The following PCSK2 variants were observed in gnomAD, a reference collection of about 807,000 sequenced individuals.
PCSK2 encodes proprotein convertase subtilisin/kexin type 2, also known as neuroendocrine convertase 2.
Under a neutral mutation model 69.7 loss-of-function variants are expected in PCSK2, and 14 were observed. That is an observed-to-expected ratio of 0.20 (90% confidence interval 0.13 to 0.31). The LOEUF (loss-of-function observed/expected upper bound fraction) is 0.31. PCSK2 is among the 10% of genes least tolerant of loss of function. PCSK2 has a pLI of 1.00. For synonymous variants in PCSK2, 307 were observed against 320.7 expected (o/e 0.96, Z 0.46); for missense variants, 544 against 842.5 (o/e 0.65, Z 4.39).
chr20:17,227,647 G>T (rs1296719188), intron 1 of PCSK2, among the ~76,000 whole-genome samples, 165 bp downstream of exon 1: 2 of 152,170 alleles, frequency 1.3e-5, no homozygotes, highest in African/African-American at 4.8e-5. Flanking sequence ...ATCTTTCACC[G>T]GTTATGTAAT....
chr20:17,425,051 C>G (rs2032216530), intron 6 of PCSK2, among the ~76,000 whole-genome samples: 1 of 152,084 alleles, frequency 6.6e-6, no homozygotes, highest in South Asian at 2.1e-4. Flanking sequence ...GCTGGGATTA[C>G]AGGAGTGAGC....
intron 2 of PCSK2, among the ~76,000 whole-genome samples, chr20:17,335,890 GTGTA>G (rs1248435727): frequency 8.8e-4 from 133 of 150,930 alleles, no homozygotes; most frequent in African/African-American, 3.2e-3. Flanking sequence ...GTGTGTGTGT[GTGTA>G]TCATATTTTC....
At chr20:17,467,573 G>A (rs2033124168) in intron 11 of PCSK2, among the ~76,000 whole-genome samples, 1 of 152,156 alleles carries the variant, frequency 6.6e-6, no homozygotes, top group Non-Finnish European at 1.5e-5. Flanking sequence ...ACTCTGCTTT[G>A]TGGCCTGCAT....
At chr20:17,335,017 G>A (rs1990304614) in intron 2 of PCSK2, among the ~76,000 whole-genome samples, 1 of 152,186 alleles carries the variant, frequency 6.6e-6, no homozygotes, top group African/African-American at 2.4e-5. Context: ...TTCTTCATTC[G>A]TAGAATGGTG....
At chr20:17,229,370 C>A (rs1384289413) in intron 1 of PCSK2, among the ~76,000 whole-genome samples, 1 of 150,482 alleles carries the variant, frequency 6.6e-6, no homozygotes, top group South Asian at 2.1e-4. Flanking sequence ...GATTTTAATT[C>A]TTGAGTGTGA....
chr20:17,434,254 T>A (rs2032438619), intron 7 of PCSK2, among the ~76,000 whole-genome samples: 1 of 151,824 alleles, frequency 6.6e-6, no homozygotes, highest in South Asian at 2.1e-4. Context: ...TCTCTCCCTC[T>A]CTCTCACTCG....
At chr20:17,417,712 T>G (rs2032031638) in intron 6 of PCSK2, among the ~76,000 whole-genome samples, 1 of 152,024 alleles carries the variant, frequency 6.6e-6, no homozygotes, top group African/African-American at 2.4e-5. Flanking sequence ...CTTCCATGAG[T>G]GTACGATATG....
At chr20:17,457,746 G>A (rs952544343) in intron 10 of PCSK2, among the ~76,000 whole-genome samples, 9 of 152,222 alleles carry the variant, frequency 5.9e-5, no homozygotes, top group Non-Finnish European at 1.5e-5. Context: ...TCCGCAAGGA[G>A]ACAATTAGCA....
At chr20:17,370,268 TG>T (rs1568622015) in intron 5 of PCSK2, among the ~76,000 whole-genome samples, 1 of 152,172 alleles carries the variant, frequency 6.6e-6, no homozygotes, top group Non-Finnish European at 1.5e-5. Flanking sequence ...AAAGAAAGGA[TG>T]GTTACCCAGC....
chr20:17,294,167 C>G (rs1191632738), intron 2 of PCSK2, among the ~76,000 whole-genome samples: 5 of 140,426 alleles, frequency 3.6e-5, no homozygotes, highest in Non-Finnish European at 7.5e-5. Flanking sequence ...TGCAGTGGCG[C>G]GATCTCGGCT....
At chr20:17,365,196 T>C (rs376595716) in intron 4 of PCSK2, among the ~76,000 whole-genome samples, 3 of 152,170 alleles carry the variant, frequency 2.0e-5, no homozygotes, top group African/African-American at 4.8e-5. Flanking sequence ...AGATGGCCCC[T>C]TGTTGCTCCA....
intron 2 of PCSK2, among the ~76,000 whole-genome samples, chr20:17,269,753 A>G (rs1331191454): frequency 6.6e-6 from 1 of 152,154 alleles, no homozygotes; most frequent in Admixed American, 6.6e-5. Context: ...TGAAGTTACC[A>G]GGAAACAGCC....
chr20:17,294,980 A>T (rs570637118), intron 2 of PCSK2, among the ~76,000 whole-genome samples: 1 of 151,730 alleles, frequency 6.6e-6, no homozygotes, highest in South Asian at 2.1e-4. Flanking sequence ...TCATTTTCTT[A>T]TTTATTAGTT....
chr20:17,474,241 C>A (rs2033252888), intron 11 of PCSK2, among the ~76,000 whole-genome samples: 2 of 152,180 alleles, frequency 1.3e-5, no homozygotes, highest in Admixed American at 1.3e-4. Context: ...GGAAACCTGG[C>A]TGAAATAAGA....
At chr20:17,328,159 T>C (rs1396150276) in intron 2 of PCSK2, among the ~76,000 whole-genome samples, 1 of 152,192 alleles carries the variant, frequency 6.6e-6, no homozygotes, top group Non-Finnish European at 1.5e-5. Context: ...TTCCAAACGG[T>C]AGTTACAAAG....
Position 17,481,625 on chromosome 20 carries a change from C to A in PCSK2, c.1472C>A (p.Thr491Asn). ...STGKLVLTLT[T>N]DACEGKENFV... ...GGCAAGTTGGTGCTGACACTCACAA[C>A]CGACGCCTGTGAGGGGAAGGAAAAT... The change falls in exon 12 of 12, where the codon ACC (threonine) becomes AAC (asparagine). Residue 491 changes from threonine (T) to asparagine (N), a missense_variant. Coordinates refer to ENST00000262545, the MANE Select transcript of PCSK2 (RefSeq NM_002594.5). 1 of 1,613,772 alleles carries A rather than the reference C, an allele frequency of 6.2e-7. No homozygotes were observed. The highest frequency in any genetic ancestry group is 8.5e-7 in the Non-Finnish European group (1 of 1,179,754).
chr20:17,351,319 A>T (rs1268395660), intron 2 of PCSK2, among the ~76,000 whole-genome samples: 1 of 152,220 alleles, frequency 6.6e-6, no homozygotes, highest in Non-Finnish European at 1.5e-5. Context: ...ATTCCAAAAA[A>T]TCAAGGAGAC....
intron 6 of PCSK2, among the ~76,000 whole-genome samples, chr20:17,422,976 A>G (rs1288901649): frequency 6.6e-6 from 1 of 152,228 alleles, no homozygotes; most frequent in Non-Finnish European, 1.5e-5. Context: ...AAATTCCAGG[A>G]GAATGAAAGA....
intron 1 of PCSK2, among the ~76,000 whole-genome samples, chr20:17,251,761 G>A (rs1316682165): frequency 6.6e-6 from 1 of 152,192 alleles, no homozygotes; most frequent in Non-Finnish European, 1.5e-5. Flanking sequence ...GTGGGAATTT[G>A]TAATCCAGGC....
Sources: gnomAD v4.1 joint callset for allele counts (sites outside exome capture counted in the v4.1 genomes callset) on GRCh38, gnomAD v4.1.1 for gene constraint, MANE v1.5 for transcripts, NCBI Gene and HGNC (gene_info 2026-07-23, HGNC 2026-07-21) for gene names.